The following SYNJ1 variants were observed in gnomAD, a reference collection of about 807,000 sequenced individuals.
SYNJ1 encodes polyphosphatidylinositol phosphatase SYNJ1.
A neutral mutation model predicts 168.2 loss-of-function variants in SYNJ1; 78 were observed. The observed-to-expected ratio is 0.46, with a 90% CI of 0.39 to 0.56. The LOEUF is 0.56. SYNJ1 is among the 20% of genes least tolerant of loss of function. The probability of loss-of-function intolerance (pLI) is 0.00; values close to 1 mark genes in which losing one functional copy is unlikely to be tolerated. For synonymous variants in SYNJ1, 539 were observed against 548.6 expected (o/e 0.98, Z 0.24); for missense variants, 1,303 against 1,597.6 (o/e 0.82, Z 3.14).
chr21:32,646,012 T>C, intron 24 of SYNJ1: 3 of 811,676 alleles, frequency 3.7e-6, no homozygotes, highest in Non-Finnish European at 6.4e-6. Flanking sequence ...TACCTAGGCC[T>C]CAGGTGCTGA....
At position 32,631,157 on chromosome 21, in the gene SYNJ1, A is replaced by G. The variant is rs2145655490; in HGVS notation, c.*648T>C. ...AGACATTTGTACCTTTATTCCAGTCATCATTCAATGTCAGGTTGGAGCCAG... is the reference window on the plus strand; with the variant it reads ...AGACATTTGTACCTTTATTCCAGTCGTCATTCAATGTCAGGTTGGAGCCAG... On this transcript the variant is annotated 3_prime_UTR_variant, in exon 33 of 33. Transcript: ENST00000674351. 6.2e-7 allele frequency: 1 copy of G among 1,614,216 alleles called. No homozygotes were observed. The highest frequency in any genetic ancestry group is 8.5e-7 in the Non-Finnish European group (1 of 1,180,030).
chr21:32,652,594 G>A (rs1295134641), intron 22 of SYNJ1, among the ~76,000 whole-genome samples: 1 of 152,196 alleles, frequency 6.6e-6, no homozygotes, highest in African/African-American at 2.4e-5. Context: ...AGTGCTGCAG[G>A]AATCAGGCCT....
rs1326451805 is a variant in SYNJ1, at chr21:32,687,053, G to A, written c.873C>T (p.Asn291=). The A allele has an allele frequency of 2.0e-6, 3 of 1,510,308 alleles. No homozygotes were observed. Among genetic ancestry groups the A allele is most frequent in the Non-Finnish European group, 2.7e-6 (3 of 1,128,152 alleles). 93.6% of individuals were successfully genotyped at this position (1,510,308 alleles called of 1,614,324 possible). A position where few individuals can be genotyped will look rare whatever the true frequency, so the allele number is the denominator to read the frequency against. Residue 291 remains asparagine (N), a synonymous_variant, in exon 8 of 33, where the codon AAC becomes AAT. Transcript: ENST00000674351. ...TTACTATTATTTGTTTACCATATAA[G>A]TTCTTAAGTGTTCTAAAATGCCTAT... ...AFDRHFRTLK[N]LYGKQIIVNL...
chr21:32,645,940 T>A, intron 24 of SYNJ1, 151 bp from the exon 25 acceptor site: 1 of 1,207,278 alleles, frequency 8.3e-7, no homozygotes, highest in Non-Finnish European at 1.2e-6. Flanking sequence ...ACAAAAGCAG[T>A]CTACTATTAA....
chr21:32,709,650 TG>T (rs1185062118), intron 2 of SYNJ1, among the ~76,000 whole-genome samples: 1 of 151,170 alleles, frequency 6.6e-6, no homozygotes, highest in East Asian at 2.1e-4. Context: ...CTCGAGTAGC[TG>T]GGATTACAGG....
intron 11 of SYNJ1, among the ~76,000 whole-genome samples, chr21:32,680,667 G>A (rs1048018831): frequency 1.3e-5 from 2 of 151,728 alleles, no homozygotes; most frequent in Non-Finnish European, 2.9e-5. Context: ...GCTGGATGGA[G>A]TGCAGTGGCG....
Position 32,652,689 on chromosome 21 carries a change from G to A in SYNJ1, c.2874+599C>T, listed in dbSNP as rs866075912. ...AGGAGTTCAGAAAAAAATGACAGAT[G>A]AAGCACTTCAGAGAAGTAAAACTAT... On this transcript the variant is annotated intron_variant, in intron 22 of 32. Transcript: ENST00000674351. Among the ~76,000 whole-genome samples the A allele has an allele frequency of 5.3e-5, 8 of 152,294 alleles. 1 individual carries two copies. In the Middle Eastern group the frequency reaches 0.027, roughly 518 times the overall value.
At chr21:32,665,810 A>T (rs536099426) in intron 17 of SYNJ1, 133 bp downstream of exon 17, 6 of 970,238 alleles carry the variant, frequency 6.2e-6, no homozygotes, top group Non-Finnish European at 8.7e-6. Context: ...TACTCATGAA[A>T]TATCTATTTA....
chr21:32,666,569 T>C lies in SYNJ1; in HGVS notation c.1816A>G (p.Thr606Ala). The C allele has an allele frequency of 6.2e-7, 1 of 1,605,760 alleles. No individual in the cohort carries two copies. The highest frequency in any genetic ancestry group is 8.5e-7 in the Non-Finnish European group (1 of 1,177,844). The change falls in exon 16 of 33, where the codon ACA becomes GCA. Residue 606 changes from threonine (T) to alanine (A), a missense_variant. Transcript: ENST00000674351. ...NAGNIVSASTTNQKLWAVELQ... is the reference protein window; with the variant it reads ...NAGNIVSASTANQKLWAVELQ... ...TCTACAGCCCAGAGCTTCTGATTTG[T>C]TGTGCTACAAGAAAATATTAAAAAG...
chr21:32,689,421 C>T (rs1015438200), intron 6 of SYNJ1, among the ~76,000 whole-genome samples: 10 of 152,210 alleles, frequency 6.6e-5, no homozygotes, highest in African/African-American at 2.4e-4. Flanking sequence ...CTCAGCCTCC[C>T]GAGTGGCTGG....
chr21:32,664,838 A>G (rs1018386141), intron 18 of SYNJ1, 75 bp downstream of exon 18: 13 of 1,364,754 alleles, frequency 9.5e-6, no homozygotes, highest in Non-Finnish European at 1.3e-5. Flanking sequence ...GAAAATTTTA[A>G]AACATCTTGA....
At chr21:32,675,199 A>G (rs1334119773) in intron 13 of SYNJ1, among the ~76,000 whole-genome samples, 3 of 152,208 alleles carry the variant, frequency 2.0e-5, no homozygotes. Flanking sequence ...ATCAACACAC[A>G]AGTTCTATAA....
intron 23 of SYNJ1, among the ~76,000 whole-genome samples, 176 bp downstream of exon 23, chr21:32,650,008 C>A (rs529315402): frequency 6.6e-6 from 1 of 152,238 alleles, no homozygotes; most frequent in South Asian, 2.1e-4. Context: ...CCTCAGCCTC[C>A]CAAAGTGCTG....
At chr21:32,698,894 C>A (rs543371221) in intron 4 of SYNJ1, among the ~76,000 whole-genome samples, 11 of 152,242 alleles carry the variant, frequency 7.2e-5, no homozygotes, top group African/African-American at 2.6e-4. Context: ...GATCTCAAAA[C>A]CAAGAATAGG....
At chr21:32,647,616 G>A (rs115273649) in intron 23 of SYNJ1, among the ~76,000 whole-genome samples, 2,762 of 152,238 alleles carry the variant, frequency 0.018, 85 homozygotes, top group African/African-American at 0.063. Context: ...ACCTCCATCT[G>A]ATTCTGCTTT....
intron 2 of SYNJ1, among the ~76,000 whole-genome samples, chr21:32,709,581 G>A (rs1393982713): frequency 6.1e-5 from 9 of 147,780 alleles, no homozygotes; most frequent in African/African-American, 2.2e-4. Flanking sequence ...GCAGTGACGC[G>A]ATCTTGGCTC....
intron 18 of SYNJ1, among the ~76,000 whole-genome samples, chr21:32,658,912 G>A (rs2040570833): frequency 6.6e-6 from 1 of 152,164 alleles, no homozygotes; most frequent in Admixed American, 6.5e-5. Context: ...ATGAATAAGG[G>A]AATTCTGCCT....
chr21:32,631,677 A>G lies in SYNJ1; in HGVS notation c.*128T>C. Reference sequence around the variant, plus strand: ...CAACCTCTTTGGGTCTGGGGTGGGAACAGGTGACGTTTGAACAGATAGCTG... The same window carrying G: ...CAACCTCTTTGGGTCTGGGGTGGGAGCAGGTGACGTTTGAACAGATAGCTG... On this transcript the variant is annotated 3_prime_UTR_variant, in exon 33 of 33. Transcript: ENST00000674351. The G allele has an allele frequency of 6.2e-7, 1 of 1,614,224 alleles. No individual in the cohort carries two copies. The highest frequency in any genetic ancestry group is 1.1e-5 in the South Asian group (1 of 91,082).
intron 4 of SYNJ1, among the ~76,000 whole-genome samples, chr21:32,697,523 G>A (rs1370947943): frequency 1.3e-5 from 2 of 151,010 alleles, no homozygotes; most frequent in Non-Finnish European, 2.9e-5. Flanking sequence ...AGGAGGCCAA[G>A]TACGGTGGCT....
Sources: gnomAD v4.1 joint callset for allele counts (sites outside exome capture counted in the v4.1 genomes callset) on GRCh38, gnomAD v4.1.1 for gene constraint, MANE v1.5 for transcripts, NCBI Gene and HGNC (gene_info 2026-07-23, HGNC 2026-07-21) for gene names.